Variants in IFT140 observed in about 807,000 individuals in gnomAD.
The protein encoded by IFT140 is intraflagellar transport 140.
A neutral mutation model predicts 164.6 loss-of-function variants in IFT140; 133 were observed. The observed-to-expected ratio is 0.81, with a 90% confidence interval of 0.70 to 0.93. The LOEUF is 0.93. Ranked by LOEUF, IFT140 falls within the 40% of genes least tolerant of loss-of-function variation. The pLI is 0.00. For synonymous variants in IFT140, 860 were observed against 817.3 expected, an observed-to-expected ratio of 1.05 and a Z score of -0.89; for missense variants, 2,045 against 1,972.3, an observed-to-expected ratio of 1.04 and a Z score of -0.70.
chr16:1,532,218 C>CG (rs1555480283), intron 19 of IFT140: 2 of 152,302 alleles, frequency 1.3e-5, no homozygotes, highest in Non-Finnish European at 2.9e-5. Flanking sequence ...CGTCAGGTTC[C>CG]GGGGGCTGAG....
Position 1,520,295 on chromosome 16 carries a change from A to C in IFT140, c.3709T>G (p.Phe1237Val), listed in dbSNP as rs1398940691. Residue 1237 changes from phenylalanine to valine, a missense_variant, in exon 28 of 31, where the codon TTC becomes GTC. Coordinates refer to ENST00000426508, the MANE Select transcript of IFT140 (RefSeq NM_014714.4). ...TCCTTCTGCCTGGACACGCTCGCGAAGAACGTGATTTTCTCCGTGTCTCCG... is the reference window on the plus strand; with the variant it reads ...TCCTTCTGCCTGGACACGCTCGCGACGAACGTGATTTTCTCCGTGTCTCCG... ...KSGDTEKITF[F>V]ASVSRQKEIY... 1 of 1,614,222 alleles carries C rather than the reference A, an allele frequency of 6.2e-7. No homozygotes were observed. The highest frequency in any genetic ancestry group is 2.2e-5 in the East Asian group (1 of 44,882).
intron 20 of IFT140, 102 bp downstream of exon 20, chr16:1,526,517 G>A: frequency 8.2e-7 from 1 of 1,222,008 alleles, no homozygotes; most frequent in Non-Finnish European, 1.1e-6. Flanking sequence ...GCCCACATCA[G>A]TGCAGGCTCA....
intron 27 of IFT140, 81 bp from the exon 28 acceptor site, chr16:1,520,424 C>G: frequency 6.7e-7 from 1 of 1,491,658 alleles, no homozygotes. Flanking sequence ...GGAGCTCTCA[C>G]AAGAAGAGTG....
intron 4 of IFT140, among the ~76,000 whole-genome samples, chr16:1,601,581 G>A (rs962026365): frequency 1.3e-5 from 2 of 152,178 alleles, no homozygotes; most frequent in Admixed American, 1.3e-4. Flanking sequence ...CCTGGCAGTG[G>A]GAACAGCGGG....
chr16:1,585,695 G>A (rs1188974955), intron 10 of IFT140, among the ~76,000 whole-genome samples: 1 of 148,838 alleles, frequency 6.7e-6, no homozygotes, highest in Non-Finnish European at 1.5e-5. Context: ...TCTTATTATT[G>A]TTATTTTCAC....
chr16:1,600,463 T>A (rs573255870), intron 4 of IFT140, among the ~76,000 whole-genome samples: 9,146 of 135,346 alleles, frequency 0.068, 362 homozygotes, highest in South Asian at 0.14. Context: ...AAAATAAATT[T>A]AAAAAAAAAA....
chr16:1,588,532 A>ATAATAATAATAATAATAATAATAC (rs1345231995), intron 7 of IFT140, among the ~76,000 whole-genome samples: 2 of 150,012 alleles, frequency 1.3e-5, no homozygotes, highest in East Asian at 3.9e-4. Flanking sequence ...CTCAAAAATA[A>ATAATAATAATAATAATAATAATAC]TAATAATAAT....
chr16:1,525,912 C>A lies in IFT140; in HGVS notation c.2743G>T (p.Ala915Ser), dbSNP rs529397200. ...HRYAGHLEAS[A>S]DCSRALSYYE... ...TAACTGAGGGCCCGGCTGCAGTCGGCGCTGGCCTCCAGGTGCCCGGCATAG... is the reference window on the plus strand; with the variant it reads ...TAACTGAGGGCCCGGCTGCAGTCGGAGCTGGCCTCCAGGTGCCCGGCATAG... Residue 915 changes from alanine (A) to serine (S), a missense_variant, in exon 21 of 31, where the codon GCC (alanine) becomes TCC (serine). By Grantham distance (99) the Ala-to-Ser change is moderately conservative (BLOSUM62 1). Transcript: ENST00000426508. The A allele has an allele frequency of 1.3e-6, 2 of 1,558,200 alleles. No homozygotes were observed. The highest frequency in any genetic ancestry group is 1.7e-6 in the Non-Finnish European group (2 of 1,153,334).
At chr16:1,608,398 G>A (rs1379400636) in intron 2 of IFT140, among the ~76,000 whole-genome samples, 1 of 152,076 alleles carries the variant, frequency 6.6e-6, no homozygotes, top group Admixed American at 6.5e-5. Context: ...GGAGGCCGAG[G>A]TGGGCAGATT....
chr16:1,532,351 G>A (rs1173112222), intron 19 of IFT140: 1 of 152,362 alleles, frequency 6.6e-6, no homozygotes, highest in African/African-American at 2.4e-5. Flanking sequence ...CGTCCCTCAG[G>A]AAGCCAGTGG....
chr16:1,539,459 T>C (rs989496883), intron 19 of IFT140, among the ~76,000 whole-genome samples: 8 of 152,338 alleles, frequency 5.3e-5, no homozygotes, highest in African/African-American at 1.7e-4. Context: ...CTCCAAGCAC[T>C]CTGGCCCCAC....
At position 1,526,654 on chromosome 16, in the gene IFT140, G is replaced by T; in HGVS notation, c.2542C>A (p.Arg848Ser). ...AGCTGCGTGGCCAGCACGGCCACGC[G>T]GGCCTCTAGCTCCGGCTCCTGCTCC... ...EAEQEPELEA[R>S]VAVLATQLGM... The change falls in exon 20 of 31, where the codon CGC becomes AGC. Residue 848 changes from arginine to serine, a missense_variant. Arg to Ser is a moderately radical substitution (Grantham distance 110). Coordinates refer to ENST00000426508, the MANE Select transcript of IFT140 (RefSeq NM_014714.4). 2.5e-6 allele frequency: 4 copies of T among 1,590,832 alleles called. No individual in the cohort carries two copies. Among genetic ancestry groups the T allele is most frequent in the Non-Finnish European group, 3.4e-6 (4 of 1,173,656 alleles).
intron 7 of IFT140, 68 bp downstream of exon 7, chr16:1,589,537 G>C: frequency 6.6e-7 from 1 of 1,521,794 alleles, no homozygotes. Flanking sequence ...AGAAAGGGCC[G>C]TCAACGAGGC....
At chr16:1,511,279 T>A in intron 30 of IFT140, 129 bp from the exon 31 acceptor site, 1 of 804,162 alleles carries the variant, frequency 1.2e-6, no homozygotes, top group South Asian at 1.5e-5. Flanking sequence ...GGACACGGGG[T>A]GCACTGAGGC....
At chr16:1,583,413 C>A in intron 11 of IFT140, 27 bp from the exon 12 acceptor site, 1 of 1,609,532 alleles carries the variant, frequency 6.2e-7, no homozygotes, top group Non-Finnish European at 8.5e-7. Context: ...ACATTCGAGG[C>A]AAAGGGCGGG....
At chr16:1,537,794 C>T (rs1319111469) in intron 19 of IFT140, among the ~76,000 whole-genome samples, 1 of 152,192 alleles carries the variant, frequency 6.6e-6, no homozygotes, top group Non-Finnish European at 1.5e-5. Flanking sequence ...TCGAGGCAGG[C>T]GAGCCAGAGC....
At chr16:1,518,453 C>G in intron 29 of IFT140, 96 bp from the exon 30 acceptor site, 2 of 1,254,510 alleles carry the variant, frequency 1.6e-6, no homozygotes, top group Non-Finnish European at 2.1e-6. Flanking sequence ...GAGGAGCTCT[C>G]CGGAATGGCA....
intron 30 of IFT140, among the ~76,000 whole-genome samples, chr16:1,517,516 T>C (rs1292775315): frequency 6.6e-6 from 1 of 152,120 alleles, no homozygotes; most frequent in Non-Finnish European, 1.5e-5. Flanking sequence ...AAGGTACTGT[T>C]CACCCCCTAG....
chr16:1,605,044 G>C (rs1396869215), intron 3 of IFT140, among the ~76,000 whole-genome samples: 1 of 152,126 alleles, frequency 6.6e-6, no homozygotes, highest in African/African-American at 2.4e-5. Context: ...ACAGCTCAGA[G>C]GGAACTTCTA....
Sources: gnomAD v4.1 joint callset for allele counts (sites outside exome capture counted in the v4.1 genomes callset) on GRCh38, gnomAD v4.1.1 for gene constraint, MANE v1.5 for transcripts, NCBI Gene and HGNC (gene_info 2026-07-23, HGNC 2026-07-21) for gene names.